The following SEPTIN9 variants were observed in gnomAD, a reference collection of about 807,000 sequenced individuals.
SEPTIN9 encodes the protein septin 9, also known as septin-9.
Under a neutral mutation model 56.6 loss-of-function variants are expected in SEPTIN9, and 13 were observed. That is an observed-to-expected ratio of 0.23 (90% CI 0.15 to 0.37). The LOEUF (loss-of-function observed/expected upper bound fraction) is 0.37. SEPTIN9 is among the 10% of genes least tolerant of loss of function. The pLI is 1.00. For synonymous variants in SEPTIN9, 332 were observed against 334.1 expected (o/e 0.99, Z 0.07); for missense variants, 650 against 823.1 (o/e 0.79, Z 2.57).
Position 77,435,520 on chromosome 17 carries a change from C to T in SEPTIN9, c.721+32817C>T, listed in dbSNP as rs1189157188. Among the ~76,000 whole-genome samples, 1 of 152,208 alleles carries T rather than the reference C, an allele frequency of 6.6e-6. No homozygotes were observed. The highest frequency in any genetic ancestry group is 2.4e-5 in the African/African-American group (1 of 41,458). ...GGTCGTCGTGCCCCAGTGCCGCCTG[C>T]CCTACACCTGATTGGCAGCAGAGTG... is the stretch of plus-strand genomic sequence containing the variant. On this transcript the variant is annotated intron_variant, in intron 3 of 11. Coordinates refer to ENST00000427177, the MANE Select transcript of SEPTIN9 (RefSeq NM_001113491.2). This position sits in a 1 kb window ranked among gnomAD's most constrained non-coding sequence, Gnocchi z 4.5.
chr17:77,470,049 A>G lies in SEPTIN9; in HGVS notation c.722-12095A>G, dbSNP rs865988117. On this transcript the variant is annotated intron_variant, in intron 3 of 11. Coordinates refer to ENST00000427177, the MANE Select transcript of SEPTIN9 (RefSeq NM_001113491.2). ...CACCTATCCACTCATTCACTCATTC[A>G]CTCATCCACCCATCCACTCATTCAC... Among the ~76,000 whole-genome samples, 2 of 149,736 alleles carry G rather than the reference A, an allele frequency of 1.3e-5. 1 individual carries two copies. Among genetic ancestry groups the G allele is most frequent in the Middle Eastern group, 7.2e-3 (2 of 278 alleles).
At chr17:77,345,382 A>G (rs1047735262) in intron 2 of SEPTIN9, among the ~76,000 whole-genome samples, 1 of 152,224 alleles carries the variant, frequency 6.6e-6, no homozygotes, top group Non-Finnish European at 1.5e-5. Context: ...GGTTGATGGA[A>G]AAGAAACCAA....
intron 2 of SEPTIN9, among the ~76,000 whole-genome samples, chr17:77,372,579 G>A (rs2034754910): frequency 6.6e-6 from 1 of 152,224 alleles, no homozygotes; most frequent in African/African-American, 2.4e-5. Flanking sequence ...CCTGCTCTCA[G>A]GAGGCCCTTA....
chr17:77,363,210 G>A (rs537145748), intron 2 of SEPTIN9, among the ~76,000 whole-genome samples: 2 of 152,268 alleles, frequency 1.3e-5, no homozygotes, highest in East Asian at 3.9e-4. Flanking sequence ...CCCTGGGGAA[G>A]GCACGAGTCA....
At chr17:77,281,696 C>A in intron 1 of SEPTIN9, 142 bp downstream of exon 1, 1 of 766,984 alleles carries the variant, frequency 1.3e-6, no homozygotes, top group South Asian at 1.9e-5. Flanking sequence ...CGAGTTCCTC[C>A]CAGGACAGGG....
At chr17:77,292,823 C>T (rs951767316) in intron 1 of SEPTIN9, among the ~76,000 whole-genome samples, 19 of 152,010 alleles carry the variant, frequency 1.2e-4, no homozygotes, top group Admixed American at 3.3e-4. Context: ...GCCACCAGGC[C>T]TGGCTGTAGT....
chr17:77,368,238 G>A (rs1464996363), intron 2 of SEPTIN9, among the ~76,000 whole-genome samples: 1 of 152,202 alleles, frequency 6.6e-6, no homozygotes, highest in Non-Finnish European at 1.5e-5. Context: ...GGTGTTGATG[G>A]GTGTACAATG....
chr17:77,482,040 A>C (rs2039476025), intron 3 of SEPTIN9, 104 bp from the exon 4 acceptor site: 1 of 1,106,742 alleles, frequency 9.0e-7, no homozygotes, highest in East Asian at 2.6e-5. Flanking sequence ...TCTGAGCCTC[A>C]GTGCCTCAGT....
At chr17:77,498,397 C>G (rs566149117) in intron 11 of SEPTIN9, 126 bp from the exon 12 acceptor site, 1 of 653,782 alleles carries the variant, frequency 1.5e-6, no homozygotes, top group African/African-American at 2.0e-5. Flanking sequence ...GCCAAGCAGT[C>G]GGGATGGGGA....
intron 3 of SEPTIN9, among the ~76,000 whole-genome samples, chr17:77,478,530 G>A (rs1366634824): frequency 6.6e-6 from 1 of 152,206 alleles, no homozygotes; most frequent in East Asian, 1.9e-4. Context: ...GGACAGGCCG[G>A]GCGTGGTGGC....
At chr17:77,362,054 G>A (rs1025902351) in intron 2 of SEPTIN9, among the ~76,000 whole-genome samples, 1 of 152,338 alleles carries the variant, frequency 6.6e-6, no homozygotes, top group South Asian at 2.1e-4. Context: ...AGGGCCTGTC[G>A]ATGTGTTGAC....
intron 3 of SEPTIN9, among the ~76,000 whole-genome samples, chr17:77,473,149 C>G (rs1273299746): frequency 6.6e-6 from 1 of 152,234 alleles, no homozygotes; most frequent in Non-Finnish European, 1.5e-5. Flanking sequence ...GAGCTTCCTC[C>G]TGCCGGAGCT....
intron 3 of SEPTIN9, among the ~76,000 whole-genome samples, chr17:77,461,746 T>C (rs778785493): frequency 4.6e-5 from 7 of 152,226 alleles, no homozygotes; most frequent in Admixed American, 1.3e-4. Context: ...TTTATTATTA[T>C]GAGGAGTTGG....
In SEPTIN9 at chr17:77,296,769, C is replaced by T. The variant is rs184759305; in HGVS notation, c.20-10372C>T. 8.5e-5 allele frequency among the ~76,000 whole-genome samples: 13 copies of T among 152,314 alleles called. No homozygotes were observed. The South Asian group carries it at 2.1e-3, about 24-fold the overall frequency. On this transcript the variant is annotated intron_variant, in intron 1 of 11. Coordinates refer to ENST00000427177, the MANE Select transcript of SEPTIN9 (RefSeq NM_001113491.2). ...TCGGGAGGCTGAGGCACGAGAATCA[C>T]TTGAACCTGGGAGGTGGAGGTTGCA...
In SEPTIN9 at chr17:77,488,882, C is replaced by T. The variant is rs773849912; in HGVS notation, c.1262+18C>T. 56 of 1,612,382 alleles carry T rather than the reference C, an allele frequency of 3.5e-5. No individual in the cohort carries two copies. Among genetic ancestry groups the T allele is most frequent in the East Asian group, 2.7e-4 (12 of 44,886 alleles). ...GGCCACTCGTACGTCCCTGCAGTGTCGGCGTCCTCATGCCGGGTGCCCTGG... is the reference window on the plus strand; with the variant it reads ...GGCCACTCGTACGTCCCTGCAGTGTTGGCGTCCTCATGCCGGGTGCCCTGG... On this transcript the variant is annotated intron_variant, in intron 7 of 11. Coordinates refer to ENST00000427177, the MANE Select transcript of SEPTIN9 (RefSeq NM_001113491.2).
intron 3 of SEPTIN9, chr17:77,454,119 G>C: frequency 1.0e-6 from 1 of 985,830 alleles, no homozygotes; most frequent in Non-Finnish European, 1.2e-6. Context: ...GTAAGCTGTG[G>C]GGGCTCCTCC....
At position 77,421,968 on chromosome 17, in the gene SEPTIN9, C is replaced by T. The variant is rs965998796; in HGVS notation, c.721+19265C>T. On this transcript the variant is annotated intron_variant, in intron 3 of 11. Transcript: ENST00000427177. This position sits in a 1 kb window ranked among gnomAD's most constrained non-coding sequence, Gnocchi z 4.6. ...AGGCTCAGCAGTCCTCCCATCTCAG[C>T]CTACCAAGTAGCTGGGACTACAGGT... Among the ~76,000 whole-genome samples the T allele has an allele frequency of 1.1e-4, 16 of 152,188 alleles. No homozygotes were observed. Among genetic ancestry groups the T allele is most frequent in the African/African-American group, 3.9e-4 (16 of 41,442 alleles).
chr17:77,399,433 C>T (rs1413143906), intron 2 of SEPTIN9, among the ~76,000 whole-genome samples: 1 of 152,154 alleles, frequency 6.6e-6, no homozygotes, highest in Non-Finnish European at 1.5e-5. Flanking sequence ...CAGAGGCACA[C>T]CATGTGGGGA....
At chr17:77,395,218 C>T (rs1047654711) in intron 2 of SEPTIN9, among the ~76,000 whole-genome samples, 4 of 151,936 alleles carry the variant, frequency 2.6e-5, no homozygotes, top group African/African-American at 9.7e-5. Context: ...CCAGCCAGTA[C>T]CAAGGTGTGT....
Sources: allele counts gnomAD v4.1 joint callset (sites outside exome capture counted in the v4.1 genomes callset), GRCh38; gene constraint gnomAD v4.1.1; non-coding constraint Gnocchi (gnomAD v3.1); transcripts MANE v1.5; gene names NCBI Gene and HGNC (gene_info 2026-07-23, HGNC 2026-07-21).